ERMP1: variants seen among roughly 807,000 people sequenced by gnomAD.
ERMP1 encodes the protein Felix-ina.
In ERMP1, 86 loss-of-function variants were observed where a neutral mutation model predicts 92.0. That is an observed-to-expected ratio of 0.93 (90% CI 0.79 to 1.12). The LOEUF (loss-of-function observed/expected upper bound fraction) is 1.12, where lower values mean the gene tolerates loss of function less well. Among genes scored for constraint, ERMP1 ranks in the 50% most tolerant of loss-of-function variants. The pLI is 0.00. For synonymous variants in ERMP1, 530 were observed against 412.8 expected (o/e 1.28, Z -3.44); for missense variants, 1,342 against 1,116.3 (o/e 1.20, Z -2.88).
intron 4 of ERMP1, among the ~76,000 whole-genome samples, chr9:5,820,172 A>G (rs1486945047): frequency 6.6e-6 from 1 of 152,022 alleles, no homozygotes; most frequent in Non-Finnish European, 1.5e-5. Flanking sequence ...GGTGTCACAC[A>G]CCTGTAATCC....
rs376168768 is a variant in ERMP1, at chr9:5,787,171, C to T, written c.2688G>A (p.Val896=). 1.2e-6 allele frequency: 2 copies of T among 1,613,958 alleles called. No homozygotes were observed. The highest frequency in any genetic ancestry group is 2.2e-5 in the East Asian group (1 of 44,880). The change falls in exon 15 of 15, where the codon GTG becomes GTA. Residue 896 remains valine, a synonymous_variant. Coordinates refer to ENST00000339450, the MANE Select transcript of ERMP1 (RefSeq NM_024896.3). ...AAAATACAAAGAGATCGTAGGTGCA[C>T]ACCCAGGCAGAGGGAAATGTCCAAT... ...FPDWTFPSAW[V]CTYDLFVF is the part of the protein sequence containing the mutation.
chr9:5,865,558 C>T (rs1013911365), intron 5 of ERMP1, among the ~76,000 whole-genome samples: 5 of 149,500 alleles, frequency 3.3e-5, no homozygotes, highest in African/African-American at 1.2e-4. Flanking sequence ...GCAGGCCGGG[C>T]GCAGTGGCTC....
At chr9:5,834,448 C>A (rs1830057407), upstream of ERMP1, among the ~76,000 whole-genome samples, 1 of 152,204 alleles carries the variant, frequency 6.6e-6, no homozygotes, top group Non-Finnish European at 1.5e-5. Flanking sequence ...GTTTTACTCA[C>A]CATTTTATTC....
At chr9:5,793,063 T>A (rs555311992) in intron 13 of ERMP1, among the ~76,000 whole-genome samples, 1 of 152,162 alleles carries the variant, frequency 6.6e-6, no homozygotes, top group Non-Finnish European at 1.5e-5. Context: ...TATGTGTGCA[T>A]TGTGTGTACA....
In ERMP1 at chr9:5,846,697, C is replaced by G. The variant is rs539882437; in HGVS notation, n.3199+12771G>C. 3.3e-4 allele frequency among the ~76,000 whole-genome samples: 51 copies of G among 152,302 alleles called. 1 individual carries two copies. In the South Asian group the frequency reaches 6.2e-3, roughly 19 times the overall value. On this transcript the variant is annotated intron_variant and non_coding_transcript_variant, in intron 6 of 6. Transcript: ENST00000690753. ...ATTTCATCATGCTTCAAAGCCTTTGCAACTGGTCCATAGCTCAGGTACTTT... is the reference window on the plus strand; with the variant it reads ...ATTTCATCATGCTTCAAAGCCTTTGGAACTGGTCCATAGCTCAGGTACTTT...
chr9:5,857,941 A>G (rs1830400919), intron 6 of ERMP1, among the ~76,000 whole-genome samples: 1 of 152,236 alleles, frequency 6.6e-6, no homozygotes, highest in African/African-American at 2.4e-5. Context: ...CTGATAGTCA[A>G]CTGACACATA....
At chr9:5,831,778 C>T (rs1313430834) in intron 1 of ERMP1, among the ~76,000 whole-genome samples, 1 of 152,102 alleles carries the variant, frequency 6.6e-6, no homozygotes, top group South Asian at 2.1e-4. Flanking sequence ...TTTGATGGAC[C>T]TAGCCCTCCT....
At chr9:5,853,851 C>A (rs942362618) in intron 6 of ERMP1, among the ~76,000 whole-genome samples, 2 of 151,016 alleles carry the variant, frequency 1.3e-5, no homozygotes, top group Non-Finnish European at 2.9e-5. Flanking sequence ...AGCCTTGCTT[C>A]TGGTCAGAGA....
rs199843959 is a variant in ERMP1 at position 5,830,881 on chromosome 9, T to C, written c.486A>G (p.Gln162=). 8.9e-5 allele frequency: 143 copies of C among 1,614,164 alleles called. No individual in the cohort carries two copies. Among genetic ancestry groups the C allele is most frequent in the Non-Finnish European group, 1.1e-4 (128 of 1,180,016 alleles). The change falls in exon 2 of 15, where the codon CAA becomes CAG. Residue 162 remains glutamine (Q), a synonymous_variant. Transcript: ENST00000339450. ...CAATGCTAAAAGAGCCTGTGGGCCG[T>C]TGTACATCTACTGAAATCTTATGAA... ...NSLHKISVDV[Q]RPTGSFSIDF...
intron 2 of ERMP1, among the ~76,000 whole-genome samples, chr9:5,826,558 C>G (rs982705938): frequency 9.2e-5 from 14 of 151,970 alleles, no homozygotes; most frequent in Non-Finnish European, 1.6e-4. Flanking sequence ...CTTGTTTGGG[C>G]TCTGTTAAAT....
At chr9:5,848,944 G>A (rs1314376725) in intron 6 of ERMP1, among the ~76,000 whole-genome samples, 1 of 152,208 alleles carries the variant, frequency 6.6e-6, no homozygotes, top group Admixed American at 6.5e-5. Context: ...TTCTGACCTA[G>A]CTGAGGAAAC....
intron 4 of ERMP1, among the ~76,000 whole-genome samples, chr9:5,818,345 T>C (rs759044714): frequency 1.9e-4 from 29 of 152,164 alleles, no homozygotes; most frequent in South Asian, 1.2e-3. Flanking sequence ...GAAAAATTAA[T>C]GATGGAAGAA....
intron 6 of ERMP1, among the ~76,000 whole-genome samples, chr9:5,839,995 A>G (rs12000842): frequency 0.12 from 17,731 of 152,154 alleles, 2,961 homozygotes; most frequent in African/African-American, 0.37. Context: ...TAATCTCAGC[A>G]CTTTGGGAGG....
At chr9:5,824,966 G>T (rs1006943039) in intron 3 of ERMP1, 126 bp downstream of exon 3, 36 of 867,188 alleles carry the variant, frequency 4.2e-5, no homozygotes, top group Middle Eastern at 3.3e-4. Flanking sequence ...GTATTTTTCT[G>T]CATATTATTT....
chr9:5,847,805 G>A (rs1830257276), intron 6 of ERMP1, among the ~76,000 whole-genome samples: 2 of 151,940 alleles, frequency 1.3e-5, no homozygotes, highest in African/African-American at 4.8e-5. Flanking sequence ...TGAGGCAGGA[G>A]AATGGCGTGA....
intron 6 of ERMP1, among the ~76,000 whole-genome samples, chr9:5,850,897 G>C (rs1830300917): frequency 6.6e-6 from 1 of 152,168 alleles, no homozygotes; most frequent in African/African-American, 2.4e-5. Context: ...GGACTCTGAA[G>C]AATAGAGAAT....
intron 6 of ERMP1, among the ~76,000 whole-genome samples, chr9:5,855,097 G>A (rs1429498950): frequency 1.3e-5 from 2 of 152,128 alleles, no homozygotes; most frequent in Non-Finnish European, 2.9e-5. Flanking sequence ...AGAAAAATTT[G>A]AGAGAGATAA....
intron 6 of ERMP1, among the ~76,000 whole-genome samples, chr9:5,849,018 A>T (rs541563738): frequency 5.3e-5 from 8 of 151,880 alleles, no homozygotes; most frequent in South Asian, 2.1e-4. Context: ...ATTTTTATTT[A>T]TATTTATATT....
At chr9:5,830,066 C>G (rs1331486197) in intron 2 of ERMP1, among the ~76,000 whole-genome samples, 1 of 152,196 alleles carries the variant, frequency 6.6e-6, no homozygotes, top group Non-Finnish European at 1.5e-5. Flanking sequence ...ATGGCACCCT[C>G]AGTGGAGCAA....
Sources: allele counts gnomAD v4.1 joint callset (sites outside exome capture counted in the v4.1 genomes callset), GRCh38; gene constraint gnomAD v4.1.1; transcripts MANE v1.5; gene names NCBI Gene and HGNC (gene_info 2026-07-23, HGNC 2026-07-21).